The following SLC24A2 variants were observed in gnomAD, a reference collection of about 807,000 sequenced individuals.
SLC24A2 encodes sodium/potassium/calcium exchanger 2.
In SLC24A2, 36 loss-of-function variants were observed where a neutral mutation model predicts 62.0. That is an observed-to-expected ratio of 0.58 (90% CI 0.44 to 0.77). The LOEUF (loss-of-function observed/expected upper bound fraction) is 0.77, where lower values mean the gene tolerates loss of function less well. SLC24A2 is among the 30% of genes least tolerant of loss of function. The pLI is 0.00. For missense variants in SLC24A2, 846 were observed against 817.9 expected (o/e 1.03, Z -0.42); for synonymous variants, 358 against 294.0 (o/e 1.22, Z -2.23).
the SLC24A2 span, among the ~76,000 whole-genome samples, chr9:20,021,628 A>G: frequency 5.3e-5 from 8 of 152,046 alleles, no homozygotes; most frequent in African/African-American, 1.9e-4. Context: ...ACACAGGTTC[A>G]GTATAATCTC....
At chr9:19,583,143 G>C (rs973323975) in intron 5 of SLC24A2, among the ~76,000 whole-genome samples, 1 of 152,154 alleles carries the variant, frequency 6.6e-6, no homozygotes, top group African/African-American at 2.4e-5. Context: ...CATCCTGACT[G>C]CCCTGATCTT....
At chr9:20,132,532 T>C in the SLC24A2 span, among the ~76,000 whole-genome samples, 2 of 152,136 alleles carry the variant, frequency 1.3e-5, no homozygotes, top group Admixed American at 6.6e-5. Flanking sequence ...GTTTTAACCA[T>C]TATCTCAAAC....
At chr9:20,119,303 G>GT in the SLC24A2 span, among the ~76,000 whole-genome samples, 1 of 152,034 alleles carries the variant, frequency 6.6e-6, no homozygotes, top group South Asian at 2.1e-4. Context: ...AAACTGTGAG[G>GT]TAACACATGT....
chr9:19,696,360 A>T (rs1281177887), intron 2 of SLC24A2, among the ~76,000 whole-genome samples: 1 of 152,148 alleles, frequency 6.6e-6, no homozygotes, highest in Non-Finnish European at 1.5e-5. Flanking sequence ...CATTTTAGCT[A>T]TCCTCCAGAC....
chr9:19,973,836 G>A, the SLC24A2 span, among the ~76,000 whole-genome samples: 1 of 152,126 alleles, frequency 6.6e-6, no homozygotes. Flanking sequence ...TTAGATAGTA[G>A]GTTTTTTTGA....
At chr9:19,845,401 C>G in the SLC24A2 span, among the ~76,000 whole-genome samples, 1 of 152,090 alleles carries the variant, frequency 6.6e-6, no homozygotes, top group South Asian at 2.1e-4. Flanking sequence ...TTTATCAGTT[C>G]CAGGAGCCTT....
At chr9:19,976,162 G>A in the SLC24A2 span, among the ~76,000 whole-genome samples, 167 of 152,162 alleles carry the variant, frequency 1.1e-3, 2 homozygotes, top group African/African-American at 3.8e-3. Context: ...GGGATTACAG[G>A]CATGAGCCAC....
chr9:19,706,698 A>T (rs544466941), intron 2 of SLC24A2, among the ~76,000 whole-genome samples: 1 of 152,086 alleles, frequency 6.6e-6, no homozygotes, highest in South Asian at 2.1e-4. Flanking sequence ...TCTTTATCCA[A>T]TTTGCCAAGG....
chr9:20,125,094 G>A, the SLC24A2 span, among the ~76,000 whole-genome samples: 3 of 152,160 alleles, frequency 2.0e-5, no homozygotes, highest in African/African-American at 7.2e-5. Context: ...TGAATAACAA[G>A]TACAAAATGC....
At chr9:19,647,492 C>G (rs1429813522) in intron 2 of SLC24A2, among the ~76,000 whole-genome samples, 4 of 152,136 alleles carry the variant, frequency 2.6e-5, no homozygotes, top group Non-Finnish European at 2.9e-5. Flanking sequence ...GGCAGGTGTC[C>G]CTGACACAAG....
the SLC24A2 span, among the ~76,000 whole-genome samples, chr9:20,066,487 C>A: frequency 6.6e-6 from 1 of 152,136 alleles, no homozygotes; most frequent in African/African-American, 2.4e-5. Context: ...GCTAAAAAGC[C>A]GACAGATTTC....
chr9:19,872,453 A>G, the SLC24A2 span, among the ~76,000 whole-genome samples: 4 of 152,164 alleles, frequency 2.6e-5, no homozygotes, highest in East Asian at 1.9e-4. Context: ...CAGTGTATGC[A>G]TGTGTTACCT....
chr9:20,096,720 T>A, the SLC24A2 span, among the ~76,000 whole-genome samples: 2 of 150,938 alleles, frequency 1.3e-5, no homozygotes, highest in Non-Finnish European at 2.9e-5. Flanking sequence ...ACATTGGAGT[T>A]TTATTTCTTT....
chr9:19,853,230 G>C, the SLC24A2 span, among the ~76,000 whole-genome samples: 1 of 152,160 alleles, frequency 6.6e-6, no homozygotes, highest in African/African-American at 2.4e-5. Flanking sequence ...GGGTTTTCTA[G>C]ATGTAGGTCA....
intron 2 of SLC24A2, among the ~76,000 whole-genome samples, chr9:19,782,315 A>G (rs1462790731): frequency 6.6e-6 from 1 of 152,204 alleles, no homozygotes; most frequent in African/African-American, 2.4e-5. Context: ...AGCTATACAG[A>G]CATTTTAAGA....
At chr9:20,014,295 C>T in the SLC24A2 span, among the ~76,000 whole-genome samples, 1 of 152,114 alleles carries the variant, frequency 6.6e-6, no homozygotes, top group Admixed American at 6.5e-5. Flanking sequence ...AATTTAAGTA[C>T]AGCCATTGTG....
At position 19,508,766 on chromosome 9, in the gene SLC24A2, C is replaced by G. The variant is rs1022348501; in HGVS notation, c.*7387G>C. On this transcript the variant is annotated 3_prime_UTR_variant, in exon 11 of 11. Transcript: ENST00000341998. ...CTATGATTGCACCACTGCACTCTAGCCTGGGTGACAGAGCAAGACCCTGTC... is the reference window on the plus strand; with the variant it reads ...CTATGATTGCACCACTGCACTCTAGGCTGGGTGACAGAGCAAGACCCTGTC... 6.6e-6 allele frequency: 1 copy of G among 150,874 alleles called. No individual in the cohort carries two copies. The highest frequency in any genetic ancestry group is 1.5e-5 in the Non-Finnish European group (1 of 67,914). 9.3% of individuals were successfully genotyped at this position (150,874 alleles called of 1,614,324 possible). A position where few individuals can be genotyped will look rare whatever the true frequency, so the allele number is the denominator to read the frequency against.
At chr9:19,980,265 C>G in the SLC24A2 span, among the ~76,000 whole-genome samples, 1 of 152,190 alleles carries the variant, frequency 6.6e-6, no homozygotes, top group African/African-American at 2.4e-5. Context: ...TTCTGCATTT[C>G]TAACAAGCTC....
the SLC24A2 span, among the ~76,000 whole-genome samples, chr9:20,171,458 T>C: frequency 6.6e-6 from 1 of 152,016 alleles, no homozygotes; most frequent in East Asian, 1.9e-4. Context: ...ATCTGTCTGC[T>C]ACCTTCAAGA....
Sources: gnomAD v4.1 joint callset for allele counts (sites outside exome capture counted in the v4.1 genomes callset) on GRCh38, gnomAD v4.1.1 for gene constraint, MANE v1.5 for transcripts, NCBI Gene and HGNC (gene_info 2026-07-23, HGNC 2026-07-21) for gene names.